The following GALNT13 variants were observed in gnomAD, a reference collection of about 807,000 sequenced individuals.
GALNT13 encodes the protein UDP-GalNAc:polypeptide N-acetylgalactosaminyltransferase 13.
Under a neutral mutation model 64.2 loss-of-function variants are expected in GALNT13, and 28 were observed. The ratio of observed to expected loss-of-function variants is 0.44; its 90% CI spans 0.32 to 0.60. GALNT13 has a LOEUF of 0.60. Ranked by LOEUF, GALNT13 falls within the 20% of genes least tolerant of loss-of-function variation. The probability of loss-of-function intolerance (pLI) is 0.05; values close to 1 mark genes in which losing one functional copy is unlikely to be tolerated. For synonymous variants in GALNT13, 214 were observed against 224.6 expected (o/e 0.95, Z 0.42); for missense variants, 577 against 669.8 (o/e 0.86, Z 1.53).
At position 153,998,080 on chromosome 2, in the gene GALNT13, T is replaced by C. The variant is rs187504524; in HGVS notation, c.142+53441T>C. On this transcript the variant is annotated intron_variant, in intron 3 of 12. Coordinates refer to ENST00000392825, the MANE Select transcript of GALNT13 (RefSeq NM_052917.4). ...TGGGTTGGTTCTAAGTCTTTGCTAT[T>C]GTGAACAGTGTCTCAATAAACATAT... Among the ~76,000 whole-genome samples the C allele has an allele frequency of 2.4e-3, 369 of 152,298 alleles. 7 individuals are homozygous for C. In the East Asian group the frequency reaches 0.055, roughly 23 times the overall value.
the GALNT13 span, among the ~76,000 whole-genome samples, chr2:153,565,145 G>A: frequency 6.6e-6 from 1 of 152,154 alleles, no homozygotes; most frequent in Non-Finnish European, 1.5e-5. Context: ...GCTTGACATT[G>A]TAGGTGTGCG....
chr2:153,879,590 C>A (rs929014132), intron 1 of GALNT13, among the ~76,000 whole-genome samples: 5 of 150,662 alleles, frequency 3.3e-5, no homozygotes, highest in African/African-American at 1.2e-4. Context: ...CCAGGCTGGT[C>A]TTAAACTCCT....
At chr2:153,078,142 T>A in the GALNT13 span, among the ~76,000 whole-genome samples, 25 of 152,088 alleles carry the variant, frequency 1.6e-4, no homozygotes, top group African/African-American at 5.3e-4. Context: ...GGTTATTATT[T>A]TTTTTTAACT....
chr2:153,617,289 A>G, the GALNT13 span, among the ~76,000 whole-genome samples: 1 of 151,974 alleles, frequency 6.6e-6, no homozygotes, highest in Non-Finnish European at 1.5e-5. Context: ...GATAAATTTT[A>G]TCAACTGCTT....
the GALNT13 span, among the ~76,000 whole-genome samples, chr2:153,583,562 CT>C: frequency 6.6e-6 from 1 of 152,102 alleles, no homozygotes. Flanking sequence ...GAATGAATGC[CT>C]TTTTGTGGTC....
chr2:153,904,458 G>A (rs895913857), intron 2 of GALNT13, among the ~76,000 whole-genome samples: 2 of 151,878 alleles, frequency 1.3e-5, no homozygotes, highest in Admixed American at 6.6e-5. Flanking sequence ...GTGTGTAAGA[G>A]TTTCCATTGT....
chr2:153,099,483 T>C, the GALNT13 span, among the ~76,000 whole-genome samples: 1 of 152,310 alleles, frequency 6.6e-6, no homozygotes, highest in African/African-American at 2.4e-5. Flanking sequence ...AATAAAAGGT[T>C]GATTTGTTAT....
At chr2:153,677,691 G>A in the GALNT13 span, among the ~76,000 whole-genome samples, 1 of 151,844 alleles carries the variant, frequency 6.6e-6, no homozygotes, top group South Asian at 2.1e-4. Flanking sequence ...AAACAGCATG[G>A]TACTCTTACA....
the GALNT13 span, among the ~76,000 whole-genome samples, chr2:153,300,545 T>G: frequency 2.6e-5 from 4 of 152,226 alleles, no homozygotes; most frequent in Non-Finnish European, 4.4e-5. Context: ...AGCAAATATT[T>G]TGAGTTTTGG....
At chr2:153,854,178 G>A in the GALNT13 span, among the ~76,000 whole-genome samples, 5 of 151,748 alleles carry the variant, frequency 3.3e-5, no homozygotes, top group Admixed American at 6.6e-5. Context: ...TTAGAGATAC[G>A]TTGCTAGATA....
the GALNT13 span, among the ~76,000 whole-genome samples, chr2:153,615,461 A>G: frequency 0.011 from 1,632 of 152,158 alleles, 21 homozygotes; most frequent in African/African-American, 0.036. Flanking sequence ...ACTGCTCTCT[A>G]TAGAAGTTAT....
the GALNT13 span, among the ~76,000 whole-genome samples, chr2:153,736,129 A>G: frequency 6.6e-6 from 1 of 152,090 alleles, no homozygotes; most frequent in African/African-American, 2.4e-5. Flanking sequence ...TTCCCTCATC[A>G]TTTCTTCTAC....
chr2:154,361,506 C>A (rs986520646), intron 9 of GALNT13, among the ~76,000 whole-genome samples: 1 of 152,058 alleles, frequency 6.6e-6, no homozygotes, highest in Non-Finnish European at 1.5e-5. Context: ...AGCTCTCCTG[C>A]TTGCCAGTTG....
intron 9 of GALNT13, among the ~76,000 whole-genome samples, chr2:154,329,789 A>T (rs1332732352): frequency 6.6e-6 from 1 of 151,906 alleles, no homozygotes; most frequent in Admixed American, 6.6e-5. Context: ...TGGTTGTTAA[A>T]AAAAAGCCCT....
At chr2:153,532,175 C>T in the GALNT13 span, among the ~76,000 whole-genome samples, 1 of 152,140 alleles carries the variant, frequency 6.6e-6, no homozygotes, top group Non-Finnish European at 1.5e-5. Context: ...CTGCAGCAGG[C>T]TTCTGCATGG....
the GALNT13 span, among the ~76,000 whole-genome samples, chr2:153,257,316 C>T: frequency 6.6e-6 from 1 of 152,066 alleles, no homozygotes; most frequent in Non-Finnish European, 1.5e-5. Context: ...TCGGCTCGTG[C>T]ACGGTGCGCG....
At chr2:153,644,776 T>C in the GALNT13 span, among the ~76,000 whole-genome samples, 1 of 152,042 alleles carries the variant, frequency 6.6e-6, no homozygotes, top group Non-Finnish European at 1.5e-5. Context: ...TCAGGTAAAG[T>C]GCATAAAAAT....
chr2:154,131,828 A>C (rs12621434), intron 3 of GALNT13, among the ~76,000 whole-genome samples: 47,264 of 151,986 alleles, frequency 0.31, 7,977 homozygotes, highest in Non-Finnish European at 0.39. Flanking sequence ...CAAGTCCCAA[A>C]ACCTCAAAAG....
intron 8 of GALNT13, among the ~76,000 whole-genome samples, chr2:154,271,457 T>C (rs1289021758): frequency 1.3e-5 from 2 of 151,952 alleles, no homozygotes; most frequent in Non-Finnish European, 2.9e-5. Flanking sequence ...TAGGTGAGGT[T>C]TGAACTGAGT....
Sources: allele counts gnomAD v4.1 joint callset (sites outside exome capture counted in the v4.1 genomes callset), GRCh38; gene constraint gnomAD v4.1.1; transcripts MANE v1.5; gene names NCBI Gene and HGNC (gene_info 2026-07-23, HGNC 2026-07-21).